The following ZBTB20 variants were observed in gnomAD, a reference collection of about 807,000 sequenced individuals.
The protein encoded by ZBTB20 is zinc finger and BTB domain containing 20.
Under a neutral mutation model 56.9 loss-of-function variants are expected in ZBTB20, and 9 were observed. That is an observed-to-expected ratio of 0.16 (90% CI 0.10 to 0.28). ZBTB20 has a LOEUF of 0.28. Ranked by LOEUF, ZBTB20 falls within the 10% of genes least tolerant of loss-of-function variation. ZBTB20 has a pLI of 1.00. For missense variants in ZBTB20, 655 were observed against 1,003.0 expected, an observed-to-expected ratio of 0.65 and a Z score of 4.69; for synonymous variants, 417 against 420.7, an observed-to-expected ratio of 0.99 and a Z score of 0.11.
chr3:114,887,001 A>G (rs1275243238), intron 4 of ZBTB20, among the ~76,000 whole-genome samples: 1 of 152,142 alleles, frequency 6.6e-6, no homozygotes, highest in Non-Finnish European at 1.5e-5. Context: ...AACTGGTGAA[A>G]GCCTTCTTGC....
In ZBTB20 at chr3:114,735,531, T is replaced by C. The variant is rs562698206; in HGVS notation, c.-342-41956A>G. The stretch of plus-strand genomic sequence containing the variant: ...TATTTTTATACTGAGGAATAGCTTA[T>C]TTATCATGAAACCATCATACATCAA... On this transcript the variant is annotated intron_variant, in intron 5 of 11. Coordinates refer to ENST00000675478, the MANE Select transcript of ZBTB20 (RefSeq NM_001348800.3). Among the ~76,000 whole-genome samples the C allele has an allele frequency of 2.6e-5, 4 of 152,266 alleles. No homozygotes were observed. The South Asian group carries it at 8.3e-4, about 32-fold the overall frequency.
At chr3:114,385,378 C>A (rs2084976016) in intron 8 of ZBTB20, among the ~76,000 whole-genome samples, 1 of 152,134 alleles carries the variant, frequency 6.6e-6, no homozygotes, top group South Asian at 2.1e-4. Context: ...GTAGATTACT[C>A]CGCATCTCTG....
intron 6 of ZBTB20, among the ~76,000 whole-genome samples, chr3:114,672,182 C>G (rs1369323805): frequency 1.3e-5 from 2 of 152,088 alleles, no homozygotes; most frequent in Non-Finnish European, 2.9e-5. Flanking sequence ...TCAAATTGCT[C>G]ATAACCACTT....
intron 3 of ZBTB20, among the ~76,000 whole-genome samples, chr3:114,935,874 C>T (rs2076516641): frequency 6.6e-6 from 1 of 152,204 alleles, no homozygotes; most frequent in African/African-American, 2.4e-5. Context: ...ACACCTAACA[C>T]AGAGTACTCT....
intron 7 of ZBTB20, among the ~76,000 whole-genome samples, chr3:114,424,255 T>C (rs2089450216): frequency 6.6e-6 from 1 of 152,184 alleles, no homozygotes; most frequent in Non-Finnish European, 1.5e-5. Context: ...TAATCATAGA[T>C]ACAAAGCATG....
chr3:114,554,464 C>CA (rs1242939944), intron 6 of ZBTB20, among the ~76,000 whole-genome samples: 1 of 151,984 alleles, frequency 6.6e-6, no homozygotes, highest in East Asian at 1.9e-4. Context: ...TCTCTTTGCT[C>CA]AGAGCAATAC....
chr3:114,846,308 C>T (rs1381637977), intron 4 of ZBTB20, among the ~76,000 whole-genome samples: 1 of 152,160 alleles, frequency 6.6e-6, no homozygotes, highest in Non-Finnish European at 1.5e-5. Flanking sequence ...CTCAAAGGCT[C>T]TTTATTCTTT....
At chr3:114,984,769 C>T (rs2078467353) in intron 2 of ZBTB20, among the ~76,000 whole-genome samples, 1 of 151,968 alleles carries the variant, frequency 6.6e-6, no homozygotes, top group Non-Finnish European at 1.5e-5. Context: ...AGAAAACAAA[C>T]AAGGAGCTAA....
chr3:114,694,510 T>C (rs2062884422), intron 5 of ZBTB20, among the ~76,000 whole-genome samples: 1 of 152,050 alleles, frequency 6.6e-6, no homozygotes, highest in Admixed American at 6.6e-5. Context: ...GGAATTCGTG[T>C]AGCTAAAAGT....
At chr3:115,023,768 C>T (rs1372476431) in intron 2 of ZBTB20, among the ~76,000 whole-genome samples, 2 of 150,788 alleles carry the variant, frequency 1.3e-5, no homozygotes, top group Non-Finnish European at 1.5e-5. Flanking sequence ...TTACACTACA[C>T]TACTGGTGTA....
intron 4 of ZBTB20, among the ~76,000 whole-genome samples, chr3:114,859,204 G>A (rs559883159): frequency 7.7e-4 from 113 of 146,946 alleles, no homozygotes; most frequent in African/African-American, 2.7e-3. Flanking sequence ...TCCTTCCTTC[G>A]TTCCTTCCTT....
intron 7 of ZBTB20, among the ~76,000 whole-genome samples, chr3:114,486,133 T>G (rs1200383244): frequency 6.4e-4 from 7 of 10,924 alleles, no homozygotes; most frequent in African/African-American, 1.7e-3. Context: ...TGTGTGTGTG[T>G]GTGTGGGGGG....
At chr3:114,727,253 AG>A (rs1405303383) in intron 5 of ZBTB20, among the ~76,000 whole-genome samples, 8 of 152,336 alleles carry the variant, frequency 5.3e-5, no homozygotes, top group South Asian at 2.1e-4. Flanking sequence ...AGGATATTCA[AG>A]AATTCAAAAT....
chr3:114,667,895 ACATGCT>A (rs1171090500), intron 6 of ZBTB20, among the ~76,000 whole-genome samples: 7 of 152,038 alleles, frequency 4.6e-5, no homozygotes, highest in Non-Finnish European at 1.0e-4. Flanking sequence ...TTACAGGCCC[ACATGCT>A]CACAAGCAAA....
Position 114,350,353 on chromosome 3 carries a change from T to C in ZBTB20, c.1725A>G (p.Lys575=). 1 of 1,614,142 alleles carries C rather than the reference T, an allele frequency of 6.2e-7. No individual in the cohort carries two copies. The highest frequency in any genetic ancestry group is 8.5e-7 in the Non-Finnish European group (1 of 1,180,018). The part of the protein sequence containing the change: ...GHSTASGQGE[K]KPYECTLCNK... ...TGCAGAGAGTGCACTCATAAGGCTT[T>C]TTTTCGCCTTGCCCACTGGCTGTGC... The change falls in exon 11 of 12, where the codon AAA becomes AAG. Residue 575 remains lysine (K), a synonymous_variant. Transcript: ENST00000675478.
intron 10 of ZBTB20, among the ~76,000 whole-genome samples, chr3:114,361,424 T>G (rs1242030398): frequency 1.3e-5 from 2 of 152,338 alleles, no homozygotes; most frequent in East Asian, 3.9e-4. Context: ...GGTAATAAAC[T>G]AAGACATTCA....
At chr3:114,870,307 T>C (rs1162784450) in intron 4 of ZBTB20, among the ~76,000 whole-genome samples, 1 of 151,808 alleles carries the variant, frequency 6.6e-6, no homozygotes, top group Non-Finnish European at 1.5e-5. Flanking sequence ...GAAATTACTT[T>C]GTTCATCTGA....
chr3:114,536,355 G>C (rs944548424), intron 6 of ZBTB20, among the ~76,000 whole-genome samples: 8 of 152,032 alleles, frequency 5.3e-5, no homozygotes, highest in African/African-American at 1.9e-4. Context: ...ACCAATAACA[G>C]AGAGCCAAAT....
chr3:114,904,349 T>C (rs2075242743), intron 3 of ZBTB20: 1 of 151,956 alleles, frequency 6.6e-6, no homozygotes. Flanking sequence ...GTACAACCAC[T>C]CCATAGAAGA....
Sources: allele counts gnomAD v4.1 joint callset (sites outside exome capture counted in the v4.1 genomes callset), GRCh38; gene constraint gnomAD v4.1.1; transcripts MANE v1.5; gene names NCBI Gene and HGNC (gene_info 2026-07-23, HGNC 2026-07-21).